The following EFCAB8 variants were observed in gnomAD, a reference collection of about 807,000 sequenced individuals.
The protein encoded by EFCAB8 is EF-hand calcium binding domain 8.
In EFCAB8, 100 loss-of-function variants were observed where a neutral mutation model predicts 116.3. That is an observed-to-expected ratio of 0.86 (90% CI 0.73 to 1.02). The LOEUF (loss-of-function observed/expected upper bound fraction) is 1.02. Ranked by LOEUF, EFCAB8 falls within the 50% of genes least tolerant of loss-of-function variation. EFCAB8 has a pLI of 0.00. For missense variants in EFCAB8, 1,320 were observed against 1,416.9 expected (o/e 0.93, Z 1.10); for synonymous variants, 558 against 567.9 (o/e 0.98, Z 0.25).
In EFCAB8 at chr20:32,907,749, C is replaced by T. The variant is rs1018006242; in HGVS notation, c.1309-526C>T. Among the ~76,000 whole-genome samples the T allele has an allele frequency of 1.1e-4, 16 of 152,186 alleles. No individual in the cohort carries two copies. In the East Asian group the frequency reaches 1.3e-3, roughly 13 times the overall value. ...TGGGGCATGGGGACAGGGACAGTCTCGCTGAGGTCCCCAGTCGGCCATGGG... is the reference window on the plus strand; with the variant it reads ...TGGGGCATGGGGACAGGGACAGTCTTGCTGAGGTCCCCAGTCGGCCATGGG... On this transcript the variant is annotated intron_variant, in intron 13 of 26. Transcript: ENST00000400522.
chr20:32,885,422 C>T (rs980134648), intron 5 of EFCAB8, 83 bp from the exon 6 acceptor site: 6 of 1,518,592 alleles, frequency 4.0e-6, no homozygotes, highest in South Asian at 1.3e-5. Context: ...CCCTCCTCCT[C>T]GGTGGCTCTC....
intron 4 of EFCAB8, among the ~76,000 whole-genome samples, chr20:32,876,890 C>T (rs567641051): frequency 3.9e-5 from 6 of 152,130 alleles, no homozygotes; most frequent in African/African-American, 1.4e-4. Context: ...ATTGTTTGAG[C>T]CCAGGAGGTT....
At chr20:32,954,289 T>A (rs1471615547) in intron 23 of EFCAB8, among the ~76,000 whole-genome samples, 5 of 152,226 alleles carry the variant, frequency 3.3e-5, no homozygotes, top group Admixed American at 6.5e-5. Flanking sequence ...TTAATTCATT[T>A]TGAGTTCATT....
intron 23 of EFCAB8, among the ~76,000 whole-genome samples, chr20:32,952,844 C>T (rs1430035167): frequency 6.6e-6 from 1 of 152,138 alleles, no homozygotes; most frequent in Non-Finnish European, 1.5e-5. Flanking sequence ...TAGCATAAAA[C>T]TTACCATCTT....
chr20:32,889,774 G>A (rs1280474074), intron 7 of EFCAB8, among the ~76,000 whole-genome samples: 1 of 152,056 alleles, frequency 6.6e-6, no homozygotes, highest in African/African-American at 2.4e-5. Context: ...GGCCGAGGCA[G>A]GCGGATCACC....
chr20:32,922,906 A>G (rs556415048), intron 20 of EFCAB8, among the ~76,000 whole-genome samples: 85 of 152,204 alleles, frequency 5.6e-4, no homozygotes, highest in Non-Finnish European at 1.0e-3. Flanking sequence ...AATTCAGGCC[A>G]AGAGCAGTGG....
At chr20:32,940,604 G>T (rs1478384750) in intron 22 of EFCAB8, among the ~76,000 whole-genome samples, 1 of 149,856 alleles carries the variant, frequency 6.7e-6, no homozygotes, top group East Asian at 1.9e-4. Context: ...AAACTTTTGG[G>T]CTGCAAAGGA....
intron 3 of EFCAB8, among the ~76,000 whole-genome samples, chr20:32,875,269 G>A (rs1164526065): frequency 6.6e-6 from 1 of 152,068 alleles, no homozygotes; most frequent in Non-Finnish European, 1.5e-5. Flanking sequence ...AGAAGCGTCC[G>A]GAATTGGCCT....
chr20:32,935,192 C>CTT (rs753039647), intron 22 of EFCAB8, among the ~76,000 whole-genome samples: 197 of 34,042 alleles, frequency 5.8e-3, no homozygotes, highest in East Asian at 0.015. Flanking sequence ...TTCTTTCTTT[C>CTT]TTTTTTTTTT....
At chr20:32,910,965 T>C (rs993811471) in intron 15 of EFCAB8, among the ~76,000 whole-genome samples, 7 of 152,160 alleles carry the variant, frequency 4.6e-5, no homozygotes, top group Admixed American at 4.6e-4. Context: ...CTCAAACTTC[T>C]GACCTCAAGT....
intron 4 of EFCAB8, among the ~76,000 whole-genome samples, chr20:32,877,003 C>T (rs1985008226): frequency 1.3e-5 from 2 of 151,964 alleles, no homozygotes; most frequent in African/African-American, 4.8e-5. Flanking sequence ...AACTTACCTC[C>T]ATTTGACAGA....
At chr20:32,889,511 C>A (rs548399521) in intron 7 of EFCAB8, 105 bp downstream of exon 7, 4 of 1,165,060 alleles carry the variant, frequency 3.4e-6, no homozygotes, top group South Asian at 1.4e-5. Context: ...TGGATCAGAG[C>A]CCCCTGGGAG....
chr20:32,935,098 C>A (rs148981485), intron 22 of EFCAB8, among the ~76,000 whole-genome samples: 1 of 151,168 alleles, frequency 6.6e-6, no homozygotes, highest in East Asian at 1.9e-4. Context: ...TTTTCTTGAA[C>A]CTGTTGGCCA....
At chr20:32,910,621 T>G (rs1395072918) in intron 15 of EFCAB8, among the ~76,000 whole-genome samples, 1 of 152,098 alleles carries the variant, frequency 6.6e-6, no homozygotes, top group Non-Finnish European at 1.5e-5. Context: ...CCACCCTCTC[T>G]CACTGCCTCA....
chr20:32,919,621 C>G (rs973265812), intron 19 of EFCAB8, among the ~76,000 whole-genome samples: 1 of 152,136 alleles, frequency 6.6e-6, no homozygotes, highest in African/African-American at 2.4e-5. Context: ...CTCAGCTTCC[C>G]TAGTAGCTGG....
chr20:32,861,464 T>A (rs1313613027), intron 1 of EFCAB8, among the ~76,000 whole-genome samples: 1 of 152,150 alleles, frequency 6.6e-6, no homozygotes, highest in Non-Finnish European at 1.5e-5. Context: ...AACGTTTGTA[T>A]TTTTAGTGGA....
Position 32,906,951 on chromosome 20 carries a change from A to C in EFCAB8, c.1265A>C (p.Asp422Ala). The stretch of plus-strand genomic sequence containing the variant: ...ACCTCAGTGACGCACATCCTTGTGG[A>C]TAGCAGGAACAACAGCATCCTCATC... Reference protein sequence around the residue: ...HQTSVTHILVDSRNNSILISV... With the variant: ...HQTSVTHILVASRNNSILISV... Residue 422 changes from aspartate (D) to alanine (A), a missense_variant, in exon 13 of 27, where the codon GAT becomes GCT. Asp to Ala is a moderately radical substitution (Grantham distance 126). Coordinates refer to ENST00000400522, the MANE Select transcript of EFCAB8 (RefSeq NM_001143967.2). 6.5e-7 allele frequency: 1 copy of C among 1,543,614 alleles called. No individual in the cohort carries two copies. Among genetic ancestry groups the C allele is most frequent in the Non-Finnish European group, 8.8e-7 (1 of 1,142,668 alleles).
intron 23 of EFCAB8, among the ~76,000 whole-genome samples, chr20:32,950,781 A>T (rs532239109): frequency 2.6e-5 from 4 of 152,154 alleles, no homozygotes; most frequent in Non-Finnish European, 5.9e-5. Context: ...GTTACCCAAG[A>T]GACCTCCCCC....
Position 32,925,170 on chromosome 20 carries a change from A to T in EFCAB8, c.2412+4955A>T, listed in dbSNP as rs184793149. ...AAAGAGCACTAGGAAGGAGTCCAGGATGCAGATCCAGGCCCAGCTGTGTCC... is the reference window on the plus strand; with the variant it reads ...AAAGAGCACTAGGAAGGAGTCCAGGTTGCAGATCCAGGCCCAGCTGTGTCC... On this transcript the variant is annotated intron_variant, in intron 20 of 26. Coordinates refer to ENST00000400522, the MANE Select transcript of EFCAB8 (RefSeq NM_001143967.2). 6.5e-4 allele frequency among the ~76,000 whole-genome samples: 99 copies of T among 152,260 alleles called. 1 individual carries two copies. The Middle Eastern group carries it at 0.017, about 26-fold the overall frequency.
Sources: gnomAD v4.1 joint callset for allele counts (sites outside exome capture counted in the v4.1 genomes callset) on GRCh38, gnomAD v4.1.1 for gene constraint, MANE v1.5 for transcripts, NCBI Gene and HGNC (gene_info 2026-07-23, HGNC 2026-07-21) for gene names.